The following LRFN5 variants were observed in gnomAD, a reference collection of about 807,000 sequenced individuals.
The protein encoded by LRFN5 is leucine rich repeat and fibronectin type III domain containing 5, also known as leucine-rich repeat and fibronectin type-III domain-containing protein 5.
Under a neutral mutation model 45.6 loss-of-function variants are expected in LRFN5, and 24 were observed. That is an observed-to-expected ratio of 0.53 (90% confidence interval 0.38 to 0.74). The LOEUF (loss-of-function observed/expected upper bound fraction) is 0.74. Among genes scored for constraint, LRFN5 ranks in the 30% least tolerant of loss-of-function variants. LRFN5 has a pLI of 0.00. For missense variants in LRFN5, 776 were observed against 861.5 expected, an observed-to-expected ratio of 0.90 and a Z score of 1.24; for synonymous variants, 340 against 313.8, an observed-to-expected ratio of 1.08 and a Z score of -0.88.
intron 2 of LRFN5, among the ~76,000 whole-genome samples, chr14:41,792,325 G>A (rs1363652732): frequency 2.0e-5 from 3 of 152,052 alleles, no homozygotes; most frequent in East Asian, 1.9e-4. Context: ...AGCTGTGCAC[G>A]TATTATCTTG....
intron 1 of LRFN5, among the ~76,000 whole-genome samples, chr14:41,693,328 G>A (rs901506518): frequency 6.6e-6 from 1 of 151,926 alleles, no homozygotes; most frequent in South Asian, 2.1e-4. Flanking sequence ...ATTGTTGTTG[G>A]CATAAAAGAT....
intron 1 of LRFN5, among the ~76,000 whole-genome samples, chr14:41,747,256 T>C (rs1338295021): frequency 6.6e-6 from 1 of 151,942 alleles, no homozygotes; most frequent in Non-Finnish European, 1.5e-5. Context: ...TTTAAAGCTA[T>C]GGGGCTTATA....
rs754365242 is a variant in LRFN5 at position 41,886,535 on chromosome 14, AT to A, written c.-20-69del. ...CTATTCTAGATTGCATACAAATATT[AT>A]TCTAGTAGGAATATGAATATGAATT... On this transcript the variant is annotated intron_variant, in intron 2 of 5. Coordinates refer to ENST00000298119, the MANE Select transcript of LRFN5 (RefSeq NM_152447.5). 7.9e-4 allele frequency: 786 copies of A among 989,642 alleles called. 1 individual carries two copies. The highest frequency in any genetic ancestry group is 1.0e-3 in the Non-Finnish European group (692 of 680,344). 61.3% of individuals were successfully genotyped at this position (989,642 alleles called of 1,614,324 possible).
intron 1 of LRFN5, among the ~76,000 whole-genome samples, chr14:41,665,788 C>T (rs1252574231): frequency 2.0e-5 from 3 of 151,666 alleles, no homozygotes; most frequent in Non-Finnish European, 4.4e-5. Context: ...TGTGTAGACC[C>T]GATACATCTT....
At chr14:41,675,287 C>G (rs928185952) in intron 1 of LRFN5, among the ~76,000 whole-genome samples, 1 of 152,240 alleles carries the variant, frequency 6.6e-6, no homozygotes, top group Non-Finnish European at 1.5e-5. Flanking sequence ...GCCGAGATCA[C>G]GCCACTGTGC....
At chr14:41,659,546 T>A (rs1452719785) in intron 1 of LRFN5, among the ~76,000 whole-genome samples, 1 of 152,156 alleles carries the variant, frequency 6.6e-6, no homozygotes, top group African/African-American at 2.4e-5. Context: ...GAATGATTTA[T>A]AATCCTTTGG....
intron 1 of LRFN5, among the ~76,000 whole-genome samples, chr14:41,718,005 C>G (rs1883560270): frequency 6.6e-6 from 1 of 152,064 alleles, no homozygotes; most frequent in African/African-American, 2.4e-5. Context: ...AAGCTAAGAA[C>G]CTATGGAGAC....
At chr14:41,868,036 C>T (rs1284218089) in intron 2 of LRFN5, among the ~76,000 whole-genome samples, 1 of 152,066 alleles carries the variant, frequency 6.6e-6, no homozygotes, top group East Asian at 1.9e-4. Flanking sequence ...GAGTTGCTAT[C>T]CATATGTATG....
At chr14:41,851,065 T>C (rs1889248820) in intron 2 of LRFN5, among the ~76,000 whole-genome samples, 1 of 151,706 alleles carries the variant, frequency 6.6e-6, no homozygotes, top group Non-Finnish European at 1.5e-5. Context: ...CTTGCTTCAA[T>C]ACAATTAATT....
intron 2 of LRFN5, among the ~76,000 whole-genome samples, chr14:41,823,339 A>G (rs1264745342): frequency 6.6e-6 from 1 of 151,776 alleles, no homozygotes; most frequent in Non-Finnish European, 1.5e-5. Flanking sequence ...GCGGTGATGA[A>G]TTCCCTTAGC....
intron 1 of LRFN5, among the ~76,000 whole-genome samples, chr14:41,630,436 TG>T (rs1888493906): frequency 6.6e-6 from 1 of 152,176 alleles, no homozygotes; most frequent in African/African-American, 2.4e-5. Context: ...AGACTGCTTT[TG>T]AGAAATGCAT....
chr14:41,686,403 A>G (rs1882123938), intron 1 of LRFN5, among the ~76,000 whole-genome samples: 2 of 151,980 alleles, frequency 1.3e-5, no homozygotes, highest in African/African-American at 4.8e-5. Context: ...AAAATATTGT[A>G]ATCTGCAAAC....
chr14:41,782,420 G>T (rs1886561422), intron 2 of LRFN5, among the ~76,000 whole-genome samples: 1 of 151,638 alleles, frequency 6.6e-6, no homozygotes, highest in African/African-American at 2.4e-5. Context: ...TGCTTACATT[G>T]TCATCTGCTC....
chr14:41,763,382 T>C (rs1885748282), intron 1 of LRFN5, among the ~76,000 whole-genome samples: 1 of 152,206 alleles, frequency 6.6e-6, no homozygotes, highest in East Asian at 1.9e-4. Flanking sequence ...GAAAGTATCA[T>C]TTGGTGCTGG....
rs562302380 is a variant in LRFN5 at position 41,663,070 on chromosome 14, A to G, written c.-197+54508A>G. Among the ~76,000 whole-genome samples, 17 of 152,266 alleles carry G rather than the reference A, an allele frequency of 1.1e-4. No homozygotes were observed. The South Asian group carries it at 3.5e-3, about 31-fold the overall frequency. On this transcript the variant is annotated intron_variant, in intron 1 of 5. Coordinates refer to ENST00000298119, the MANE Select transcript of LRFN5 (RefSeq NM_152447.5). Reference sequence around the variant, plus strand: ...TTAGGATCTGCTAAGAACTGTGGAAACTGTTTACATGCAGTTTAATCTAAT... The same window carrying G: ...TTAGGATCTGCTAAGAACTGTGGAAGCTGTTTACATGCAGTTTAATCTAAT...
At chr14:41,761,056 T>C (rs1885642326) in intron 1 of LRFN5, among the ~76,000 whole-genome samples, 1 of 152,122 alleles carries the variant, frequency 6.6e-6, no homozygotes, top group South Asian at 2.1e-4. Context: ...AAACTTGAAA[T>C]AGATAAGATA....
chr14:41,664,877 A>G (rs1040636419), intron 1 of LRFN5, among the ~76,000 whole-genome samples: 9 of 152,126 alleles, frequency 5.9e-5, no homozygotes, highest in Non-Finnish European at 1.3e-4. Context: ...TCAATACACA[A>G]GAAGACAAGT....
rs2139165672 is a variant in LRFN5, at chr14:41,893,008, A to G, written c.2098+1046A>G. 10 of 984,788 alleles carry G rather than the reference A, an allele frequency of 1.0e-5. No homozygotes were observed. In the South Asian group the frequency reaches 4.2e-4, roughly 42 times the overall value. 61.0% of individuals were successfully genotyped at this position (984,788 alleles called of 1,614,324 possible). A position where few individuals can be genotyped will look rare whatever the true frequency, so the allele number is the denominator to read the frequency against. ...ACCAAGTAAAATTTAAAAACTTCTA[A>G]TGGTGTTCTCATTATATTTATAAGT... On this transcript the variant is annotated intron_variant, in intron 4 of 5. Coordinates refer to ENST00000298119, the MANE Select transcript of LRFN5 (RefSeq NM_152447.5).
intron 1 of LRFN5, among the ~76,000 whole-genome samples, chr14:41,684,461 A>G (rs1882034185): frequency 6.6e-6 from 1 of 152,146 alleles, no homozygotes; most frequent in South Asian, 2.1e-4. Context: ...CACAGGAGGA[A>G]CTACCAAACT....
Sources: allele counts gnomAD v4.1 joint callset (sites outside exome capture counted in the v4.1 genomes callset), GRCh38; gene constraint gnomAD v4.1.1; transcripts MANE v1.5; gene names NCBI Gene and HGNC (gene_info 2026-07-23, HGNC 2026-07-21).